RAPGEF6: variants seen among roughly 807,000 people sequenced by gnomAD.
RAPGEF6 encodes PDZ domain containing guanine nucleotide exchange factor (GEF) 2.
In RAPGEF6, 56 loss-of-function variants were observed where a neutral mutation model predicts 171.4. That is an observed-to-expected ratio of 0.33 (90% CI 0.26 to 0.41). The LOEUF is 0.41. RAPGEF6 is among the 10% of genes least tolerant of loss of function. RAPGEF6 has a pLI of 1.00. For synonymous variants in RAPGEF6, 692 were observed against 650.1 expected, an observed-to-expected ratio of 1.06 and a Z score of -0.98; for missense variants, 1,674 against 1,921.4, an observed-to-expected ratio of 0.87 and a Z score of 2.41.
intron 4 of RAPGEF6, among the ~76,000 whole-genome samples, chr5:131,569,938 A>G (rs1259930953): frequency 6.9e-6 from 1 of 145,128 alleles, no homozygotes; most frequent in Non-Finnish European, 1.5e-5. Context: ...GCTACTTGGG[A>G]GGCTGAGGCA....
chr5:131,570,704 T>C (rs1425581231), intron 4 of RAPGEF6, among the ~76,000 whole-genome samples: 4 of 152,098 alleles, frequency 2.6e-5, no homozygotes, highest in Non-Finnish European at 5.9e-5. Flanking sequence ...CTATACAACA[T>C]ATTCCATTTA....
At chr5:131,528,263 A>G (rs1296256261) in intron 6 of RAPGEF6, among the ~76,000 whole-genome samples, 2 of 128,470 alleles carry the variant, frequency 1.6e-5, no homozygotes, top group Non-Finnish European at 3.1e-5. Context: ...AAAATAAAAT[A>G]ATATATTTAT....
intron 6 of RAPGEF6, among the ~76,000 whole-genome samples, chr5:131,533,435 T>C (rs978179130): frequency 2.6e-5 from 4 of 152,242 alleles, no homozygotes; most frequent in East Asian, 3.9e-4. Context: ...TAAGATACCA[T>C]TGCATTCCAA....
At position 131,531,522 on chromosome 5, in the gene RAPGEF6, A is replaced by T. The variant is rs114317333; in HGVS notation, c.496-10001T>A. Among the ~76,000 whole-genome samples, 1,118 of 152,300 alleles carry T rather than the reference A, an allele frequency of 7.3e-3. 8 individuals are homozygous for T. Among genetic ancestry groups the T allele is most frequent in the African/African-American group, 0.025 (1,035 of 41,560 alleles). ...TGACAAGTATGATAGATGACCTTAAATAGTCTCCAGCTGCTAATGGTTTAC... is the reference window on the plus strand; with the variant it reads ...TGACAAGTATGATAGATGACCTTAATTAGTCTCCAGCTGCTAATGGTTTAC... On this transcript the variant is annotated intron_variant, in intron 6 of 27. Transcript: ENST00000509018.
chr5:131,624,521 T>G (rs542685230), intron 1 of RAPGEF6, among the ~76,000 whole-genome samples: 113 of 152,322 alleles, frequency 7.4e-4, no homozygotes, highest in South Asian at 6.2e-3. Flanking sequence ...GAGCTGGGCA[T>G]GGTGGTATAC....
chr5:131,526,838 CCTA>C (rs1189139875), intron 6 of RAPGEF6, among the ~76,000 whole-genome samples: 2 of 152,244 alleles, frequency 1.3e-5, no homozygotes, highest in African/African-American at 4.8e-5. Context: ...GTCCACAAGG[CCTA>C]CTGTTAGTTT....
At chr5:131,451,352 G>A (rs1407812149) in intron 21 of RAPGEF6, among the ~76,000 whole-genome samples, 2 of 152,068 alleles carry the variant, frequency 1.3e-5, no homozygotes, top group African/African-American at 2.4e-5. Context: ...GGCAGGCTGA[G>A]GCATGTGAAT....
chr5:131,560,970 T>C (rs1761560704), intron 5 of RAPGEF6, among the ~76,000 whole-genome samples: 1 of 152,260 alleles, frequency 6.6e-6, no homozygotes, highest in South Asian at 2.1e-4. Flanking sequence ...ATTTCTCTTC[T>C]TGACAGTTCA....
At chr5:131,442,250 C>A in intron 23 of RAPGEF6, 99 bp downstream of exon 23, 2 of 1,213,088 alleles carry the variant, frequency 1.6e-6, no homozygotes, top group Non-Finnish European at 1.1e-6. Flanking sequence ...ATTACACAAC[C>A]TACAACAGCT....
chr5:131,542,231 G>T (rs1760200401), intron 6 of RAPGEF6, among the ~76,000 whole-genome samples: 1 of 151,884 alleles, frequency 6.6e-6, no homozygotes, highest in Non-Finnish European at 1.5e-5. Context: ...TTATATCCAG[G>T]TATGGAATAA....
intron 6 of RAPGEF6, among the ~76,000 whole-genome samples, chr5:131,539,662 C>T (rs1760005361): frequency 6.6e-6 from 1 of 152,176 alleles, no homozygotes; most frequent in South Asian, 2.1e-4. Flanking sequence ...AGCATCCAGC[C>T]ATTTTTCAGT....
chr5:131,619,010 G>A (rs376196837), intron 1 of RAPGEF6, among the ~76,000 whole-genome samples: 4 of 151,298 alleles, frequency 2.6e-5, no homozygotes, highest in South Asian at 2.1e-4. Context: ...TAAGGCAGCC[G>A]GCCAGGCTCT....
At chr5:131,580,198 T>C (rs1344072517) in intron 4 of RAPGEF6, among the ~76,000 whole-genome samples, 1 of 152,058 alleles carries the variant, frequency 6.6e-6, no homozygotes, top group Non-Finnish European at 1.5e-5. Flanking sequence ...AGCTGAGGCC[T>C]GGTGAGAATT....
intron 17 of RAPGEF6, among the ~76,000 whole-genome samples, chr5:131,471,909 GGTAA>G (rs1047755866): frequency 1.3e-5 from 2 of 152,084 alleles, no homozygotes; most frequent in African/African-American, 4.8e-5. Context: ...TATAGAAAAA[GGTAA>G]GTGAGGCCAC....
intron 1 of RAPGEF6, among the ~76,000 whole-genome samples, chr5:131,624,507 C>A (rs1034260883): frequency 6.6e-6 from 1 of 152,200 alleles, no homozygotes; most frequent in Admixed American, 6.5e-5. Flanking sequence ...AGAATACTTA[C>A]AATGAGCTGG....
At chr5:131,458,407 C>T (rs1753673593) in intron 19 of RAPGEF6, among the ~76,000 whole-genome samples, 2 of 152,282 alleles carry the variant, frequency 1.3e-5, no homozygotes, top group South Asian at 4.1e-4. Context: ...TTTCCTAAGG[C>T]CTCCCCAGAC....
chr5:131,504,823 T>C (rs752858999), intron 10 of RAPGEF6, 45 bp from the exon 11 acceptor site: 3 of 1,542,498 alleles, frequency 1.9e-6, no homozygotes, highest in South Asian at 2.5e-5. Context: ...CTATAGTACA[T>C]AAATATATCA....
chr5:131,524,827 G>T (rs1758772902), intron 6 of RAPGEF6, among the ~76,000 whole-genome samples: 1 of 152,094 alleles, frequency 6.6e-6, no homozygotes, highest in Non-Finnish European at 1.5e-5. Context: ...CATTGGCCAG[G>T]CTGGTCTCCA....
intron 1 of RAPGEF6, among the ~76,000 whole-genome samples, chr5:131,614,281 CAAAAAA>C (rs386404987): frequency 1.2e-5 from 1 of 81,426 alleles, no homozygotes; most frequent in Admixed American, 1.6e-4. Context: ...GACTCTGTCT[CAAAAAA>C]AAAAAAAAAA....
Sources: gnomAD v4.1 joint callset for allele counts (sites outside exome capture counted in the v4.1 genomes callset) on GRCh38, gnomAD v4.1.1 for gene constraint, MANE v1.5 for transcripts, NCBI Gene and HGNC (gene_info 2026-07-23, HGNC 2026-07-21) for gene names.